The following NCOR2 variants were observed in gnomAD, a reference collection of about 807,000 sequenced individuals.
NCOR2 encodes the protein nuclear receptor corepressor 2.
In NCOR2, 81 loss-of-function variants were observed where a neutral mutation model predicts 262.9. The observed-to-expected ratio is 0.31, with a 90% confidence interval of 0.26 to 0.37. NCOR2 has a LOEUF of 0.37. Ranked by LOEUF, NCOR2 falls within the 10% of genes least tolerant of loss-of-function variation. The pLI, the probability that NCOR2 is intolerant of heterozygous loss-of-function variation, is 1.00. For synonymous variants in NCOR2, 1,659 were observed against 1,559.3 expected (o/e 1.06, Z -1.51); for missense variants, 3,385 against 3,621.4 (o/e 0.93, Z 1.68).
chr12:124,327,717 G>C, intron 44 of NCOR2, 84 bp from the exon 47 acceptor site: 2 of 952,046 alleles, frequency 2.1e-6, no homozygotes, highest in East Asian at 2.5e-5. Flanking sequence ...AGAGAAGGGA[G>C]AGAGAGAGGG....
intron 1 of NCOR2, chr12:124,518,377 GACT>G (rs2049958397): frequency 6.6e-6 from 1 of 152,380 alleles, no homozygotes; most frequent in Admixed American, 6.5e-5. Context: ...CTTCCCGCGA[GACT>G]ACGACTCCCA....
intron 22 of NCOR2, among the ~76,000 whole-genome samples, chr12:124,360,217 T>C (rs984512682): frequency 1.3e-5 from 2 of 152,134 alleles, no homozygotes; most frequent in Non-Finnish European, 2.9e-5. Flanking sequence ...ACCTGCAACG[T>C]CTCCCAGAGC....
chr12:124,479,717 G>A (rs1041314937), intron 3 of NCOR2, among the ~76,000 whole-genome samples: 2 of 152,254 alleles, frequency 1.3e-5, no homozygotes, highest in Admixed American at 1.3e-4. Flanking sequence ...AAACAAAAGA[G>A]GAGAAAGCAG....
chr12:124,380,618 T>C (rs944406240), intron 17 of NCOR2, among the ~76,000 whole-genome samples: 2 of 152,088 alleles, frequency 1.3e-5, no homozygotes, highest in African/African-American at 4.8e-5. Context: ...GCTTCCCGAA[T>C]CTATTTTTGG....
chr12:124,547,021 G>A (rs893040932), intron 1 of NCOR2, among the ~76,000 whole-genome samples: 2 of 151,702 alleles, frequency 1.3e-5, no homozygotes, highest in African/African-American at 4.8e-5. Context: ...ATGGAGTCTC[G>A]CTCTGTCGCC....
At chr12:124,405,355 G>C (rs960905708) in intron 13 of NCOR2, among the ~76,000 whole-genome samples, 9 of 152,220 alleles carry the variant, frequency 5.9e-5, no homozygotes, top group African/African-American at 2.2e-4. Flanking sequence ...CAAGCCCCCA[G>C]GGCAGGGGTG....
At chr12:124,416,842 T>C (rs762141502) in intron 13 of NCOR2, among the ~76,000 whole-genome samples, 17 of 117,340 alleles carry the variant, frequency 1.4e-4, no homozygotes, top group Middle Eastern at 0.01. Context: ...GGAGACCCCG[T>C]GGCCCAGGGA....
At chr12:124,411,459 C>T (rs373505350) in intron 13 of NCOR2, among the ~76,000 whole-genome samples, 23 of 152,160 alleles carry the variant, frequency 1.5e-4, no homozygotes, top group African/African-American at 5.6e-4. Flanking sequence ...GAGCCCAGGA[C>T]GGGCTGTTCC....
chr12:124,543,203 C>T (rs1007588002), intron 1 of NCOR2, among the ~76,000 whole-genome samples: 1 of 152,186 alleles, frequency 6.6e-6, no homozygotes, highest in Admixed American at 6.5e-5. Flanking sequence ...GCCGCAGCCC[C>T]GTCCAGAGGG....
intron 2 of NCOR2, among the ~76,000 whole-genome samples, chr12:124,484,052 G>C (rs2047646398): frequency 6.6e-6 from 1 of 152,100 alleles, no homozygotes; most frequent in Non-Finnish European, 1.5e-5. Flanking sequence ...CCCCTCCCTT[G>C]CTACGGACCA....
intron 1 of NCOR2, among the ~76,000 whole-genome samples, chr12:124,521,370 T>C (rs1228354341): frequency 6.6e-6 from 1 of 152,116 alleles, no homozygotes; most frequent in Non-Finnish European, 1.5e-5. Flanking sequence ...AGTTTCCTCA[T>C]CTGAAAAGCC....
chr12:124,451,315 T>G (rs2136510176), intron 6 of NCOR2, among the ~76,000 whole-genome samples: 1 of 152,302 alleles, frequency 6.6e-6, no homozygotes, highest in East Asian at 1.9e-4. Context: ...TGAGAAACAG[T>G]GAACAGTTGC....
intron 17 of NCOR2, among the ~76,000 whole-genome samples, chr12:124,381,338 A>G (rs1318298736): frequency 6.6e-6 from 1 of 152,168 alleles, no homozygotes; most frequent in Non-Finnish European, 1.5e-5. Flanking sequence ...CAGACATCAG[A>G]GAGGTCTTCC....
chr12:124,411,573 C>T (rs1393837137), intron 13 of NCOR2, among the ~76,000 whole-genome samples: 2 of 152,256 alleles, frequency 1.3e-5, no homozygotes, highest in Non-Finnish European at 2.9e-5. Context: ...GGCCCTGCCA[C>T]CTGGCCTAGC....
chr12:124,397,997 A>C (rs1186502710), intron 16 of NCOR2, 122 bp downstream of exon 18: 2 of 1,134,682 alleles, frequency 1.8e-6, no homozygotes, highest in East Asian at 4.7e-5. Flanking sequence ...CCAGAACCTC[A>C]CCAGAGGCCT....
intron 1 of NCOR2, among the ~76,000 whole-genome samples, chr12:124,519,089 T>TACACACACACACACACACAC (rs57438929): frequency 5.4e-4 from 53 of 97,320 alleles, no homozygotes; most frequent in East Asian, 2.0e-3. Flanking sequence ...GGCCAAATAA[T>TACACACACACACACACACAC]ACACACACAC....
At chr12:124,500,759 T>C (rs1198854443) in intron 1 of NCOR2, among the ~76,000 whole-genome samples, 1 of 151,716 alleles carries the variant, frequency 6.6e-6, no homozygotes, top group Admixed American at 6.6e-5. Flanking sequence ...ACACATTCCA[T>C]AGATTTTCTG....
chr12:124,357,422 G>A (rs1261623185), intron 22 of NCOR2, among the ~76,000 whole-genome samples: 7 of 152,300 alleles, frequency 4.6e-5, no homozygotes, highest in African/African-American at 1.7e-4. Context: ...CCAAGTAGCT[G>A]GGACTACAAG....
chr12:124,406,490 T>C (rs1395742154), intron 13 of NCOR2, among the ~76,000 whole-genome samples: 2 of 152,160 alleles, frequency 1.3e-5, no homozygotes, highest in Non-Finnish European at 2.9e-5. Context: ...TAAAGGACTC[T>C]GTGCAGCAGA....
Sources: allele counts gnomAD v4.1 joint callset (sites outside exome capture counted in the v4.1 genomes callset), GRCh38; gene constraint gnomAD v4.1.1; transcripts MANE v1.5; gene names NCBI Gene and HGNC (gene_info 2026-07-23, HGNC 2026-07-21).